Variants in FRK observed in about 807,000 individuals in gnomAD.
The protein encoded by FRK is tyrosine-protein kinase FRK.
FRK carries 51 observed loss-of-function variants against 56.4 expected under a neutral mutation model. The ratio of observed to expected loss-of-function variants is 0.90; its 90% confidence interval spans 0.72 to 1.14. The LOEUF is 1.14. Among genes scored for constraint, FRK ranks in the 50% most tolerant of loss-of-function variants. The pLI, the probability that FRK is intolerant of heterozygous loss-of-function variation, is 0.00. For missense variants in FRK, 570 were observed against 601.4 expected (o/e 0.95, Z 0.55); for synonymous variants, 245 against 217.9 (o/e 1.12, Z -1.10).
At chr6:116,086,953 A>G in the FRK span, among the ~76,000 whole-genome samples, 383 of 152,352 alleles carry the variant, frequency 2.5e-3, 10 homozygotes, top group South Asian at 0.044. Flanking sequence ...AGATAACTTC[A>G]GGTTCCTGCA....
intron 4 of FRK, among the ~76,000 whole-genome samples, chr6:115,965,234 G>C (rs1436469599): frequency 1.5e-5 from 2 of 134,902 alleles, no homozygotes; most frequent in African/African-American, 5.6e-5. Context: ...CAAAAAGTGG[G>C]CGAAGGACAT....
chr6:116,000,362 C>A (rs2114686223), intron 2 of FRK, among the ~76,000 whole-genome samples: 1 of 150,958 alleles, frequency 6.6e-6, no homozygotes, highest in East Asian at 2.0e-4. Flanking sequence ...CGTGCCTCAG[C>A]CTCCCTAGTA....
the FRK span, among the ~76,000 whole-genome samples, chr6:116,067,927 A>T: frequency 6.6e-6 from 1 of 152,184 alleles, no homozygotes; most frequent in African/African-American, 2.4e-5. Context: ...AAACAATTTC[A>T]TCTTATCCCT....
chr6:116,060,549 C>G lies in FRK; in HGVS notation c.-238G>C, dbSNP rs1241859576. 2.1e-6 allele frequency: 1 copy of G among 487,042 alleles called. No individual in the cohort carries two copies. The highest frequency in any genetic ancestry group is 3.7e-6 in the Non-Finnish European group (1 of 273,668). 30.2% of individuals were successfully genotyped at this position (487,042 alleles called of 1,614,324 possible). A position where few individuals can be genotyped will look rare whatever the true frequency, so the allele number is the denominator to read the frequency against. ...GGTGCTACCCCGAGGCAAAACTGAG[C>G]AGGAGCTGGGCAGCTGCTCACTAGG... On this transcript the variant is annotated 5_prime_UTR_variant, in exon 1 of 8. Coordinates refer to ENST00000606080, the MANE Select transcript of FRK (RefSeq NM_002031.3).
chr6:115,942,328 G>T lies in FRK; in HGVS notation c.*86C>A. On this transcript the variant is annotated 3_prime_UTR_variant, in exon 8 of 8. Transcript: ENST00000606080. ...TTGAATATGTCAGGATAAACTGATT[G>T]TGCAGTTGGTTGATAACATTGTATT... 9.4e-7 allele frequency: 1 copy of T among 1,064,922 alleles called. No individual in the cohort carries two copies. The highest frequency in any genetic ancestry group is 1.4e-6 in the Non-Finnish European group (1 of 704,652). 66.0% of individuals were successfully genotyped at this position (1,064,922 alleles called of 1,614,324 possible). A position where few individuals can be genotyped will look rare whatever the true frequency, so the allele number is the denominator to read the frequency against.
chr6:115,985,750 C>A (rs555316779), intron 2 of FRK, among the ~76,000 whole-genome samples: 2 of 151,948 alleles, frequency 1.3e-5, no homozygotes, highest in African/African-American at 2.4e-5. Context: ...CAACCAATAA[C>A]GTAGACAGGA....
chr6:116,019,549 G>A (rs1199896327), intron 1 of FRK, among the ~76,000 whole-genome samples: 8 of 152,178 alleles, frequency 5.3e-5, no homozygotes, highest in Admixed American at 5.2e-4. Flanking sequence ...TTATAATTGA[G>A]TGCCATCACC....
the FRK span, among the ~76,000 whole-genome samples, chr6:116,078,635 A>G: frequency 1.3e-5 from 2 of 152,210 alleles, no homozygotes; most frequent in African/African-American, 4.8e-5. Flanking sequence ...ACTTAAACAT[A>G]TAGCTTAACA....
the FRK span, among the ~76,000 whole-genome samples, chr6:116,085,572 C>T: frequency 6.6e-5 from 10 of 152,278 alleles, no homozygotes; most frequent in African/African-American, 9.6e-5. Context: ...CATGCTGTTA[C>T]GATGAGTGAG....
the FRK span, among the ~76,000 whole-genome samples, chr6:116,077,511 T>C: frequency 3.0e-3 from 463 of 152,340 alleles, no homozygotes; most frequent in Non-Finnish European, 5.2e-3. Context: ...TGCAGATACA[T>C]GCACGGTGCT....
intron 1 of FRK, among the ~76,000 whole-genome samples, chr6:116,005,159 C>T (rs1339931136): frequency 1.3e-5 from 2 of 152,094 alleles, no homozygotes; most frequent in East Asian, 3.9e-4. Context: ...CTAACAAATG[C>T]AGGGTGTTCG....
chr6:116,084,545 C>T, the FRK span, among the ~76,000 whole-genome samples: 1 of 152,300 alleles, frequency 6.6e-6, no homozygotes, highest in African/African-American at 2.4e-5. Flanking sequence ...CAGCCTTATT[C>T]AAATAGCTGT....
the FRK span, among the ~76,000 whole-genome samples, chr6:116,080,866 G>C: frequency 1.3e-5 from 2 of 152,120 alleles, no homozygotes; most frequent in South Asian, 4.1e-4. Flanking sequence ...ATTTTGATAT[G>C]GATGTGAGAA....
Position 115,937,754 on chromosome 6 carries a change from A to T in FRK, c.*4660T>A, listed in dbSNP as rs932066703. On this transcript the variant is annotated 3_prime_UTR_variant, in exon 8 of 8. Coordinates refer to ENST00000606080, the MANE Select transcript of FRK (RefSeq NM_002031.3). ...AAGGGCATTACATAATGGTAAACAG[A>T]TCAATGCAACAAGAATAGCTAACTA... is the stretch of plus-strand genomic sequence containing the variant. The T allele has an allele frequency of 5.0e-4, 76 of 152,364 alleles. No homozygotes were observed. Among genetic ancestry groups the T allele is most frequent in the African/African-American group, 1.8e-3 (75 of 41,588 alleles). 9.4% of individuals were successfully genotyped at this position (152,364 alleles called of 1,614,324 possible).
chr6:116,018,352 C>T (rs1248566523), intron 1 of FRK, among the ~76,000 whole-genome samples: 1 of 152,160 alleles, frequency 6.6e-6, no homozygotes, highest in Non-Finnish European at 1.5e-5. Flanking sequence ...ACAGAATTTT[C>T]TTTAGCACAT....
At chr6:116,090,090 T>C in the FRK span, among the ~76,000 whole-genome samples, 1 of 152,196 alleles carries the variant, frequency 6.6e-6, no homozygotes, top group African/African-American at 2.4e-5. Flanking sequence ...TCAAATTTAA[T>C]TGGGCATTTT....
the FRK span, among the ~76,000 whole-genome samples, chr6:116,086,385 A>G: frequency 6.6e-6 from 1 of 152,144 alleles, no homozygotes; most frequent in Non-Finnish European, 1.5e-5. Context: ...TAAAATAAGT[A>G]TTTTTCTATG....
intron 5 of FRK, among the ~76,000 whole-genome samples, chr6:115,950,669 G>T (rs528034264): frequency 6.6e-6 from 1 of 152,244 alleles, no homozygotes; most frequent in African/African-American, 2.4e-5. Flanking sequence ...CCATTGCTGG[G>T]TATATACCCA....
intron 2 of FRK, among the ~76,000 whole-genome samples, chr6:115,983,613 C>G (rs1774286967): frequency 6.6e-6 from 1 of 152,142 alleles, no homozygotes; most frequent in African/African-American, 2.4e-5. Context: ...TGACTCCTCT[C>G]TCTCAATGAA....
Sources: allele counts gnomAD v4.1 joint callset (sites outside exome capture counted in the v4.1 genomes callset), GRCh38; gene constraint gnomAD v4.1.1; transcripts MANE v1.5; gene names NCBI Gene and HGNC (gene_info 2026-07-23, HGNC 2026-07-21).